Variants in SELE observed in about 807,000 individuals in gnomAD.
SELE encodes E-selectin.
A neutral mutation model predicts 75.8 loss-of-function variants in SELE; 52 were observed. That is an observed-to-expected ratio of 0.69 (90% CI 0.55 to 0.86). SELE has a LOEUF of 0.86. Among genes scored for constraint, SELE ranks in the 40% least tolerant of loss-of-function variants. SELE has a pLI of 0.00. For missense variants in SELE, 754 were observed against 732.7 expected (o/e 1.03, Z -0.34); for synonymous variants, 285 against 258.7 (o/e 1.10, Z -0.98).
chr1:169,733,878 A>G, intron 1 of SELE, 93 bp downstream of exon 1: 3 of 523,838 alleles, frequency 5.7e-6, no homozygotes, highest in Non-Finnish European at 1.0e-5. Flanking sequence ...CAATACAATA[A>G]GAGCTTGTAC....
At chr1:169,727,670 G>A (rs1011400742) in intron 9 of SELE, 69 bp downstream of exon 9, 1 of 1,554,938 alleles carries the variant, frequency 6.4e-7, no homozygotes. Flanking sequence ...CCCCTTTGGG[G>A]CAATCTAGGT....
Position 169,730,638 on chromosome 1 carries a change from A to G in SELE, c.530-21T>C, listed in dbSNP as rs3917420. ...CACAACTGAAAAAGAAACCCAAATC[A>G]GTTCTGCTCATCTCTCACCTTTAAC... On this transcript the variant is annotated intron_variant, in intron 4 of 13. Transcript: ENST00000333360. 2.5e-3 allele frequency: 3,807 copies of G among 1,540,522 alleles called. 82 individuals carry two copies. In the African/African-American group the frequency reaches 0.045, roughly 18 times the overall value.
intron 4 of SELE, among the ~76,000 whole-genome samples, chr1:169,731,071 C>T (rs1648899456): frequency 1.3e-5 from 2 of 152,176 alleles, no homozygotes; most frequent in Admixed American, 1.3e-4. Context: ...AACCCTAATG[C>T]TGCACTGTCT....
At chr1:169,733,341 C>T (rs766761729) in intron 2 of SELE, among the ~76,000 whole-genome samples, 7 of 151,838 alleles carry the variant, frequency 4.6e-5, no homozygotes, top group Admixed American at 6.6e-5. Context: ...CTATTGAATC[C>T]TCACAATGCA....
chr1:169,732,037 A>G, intron 3 of SELE, 95 bp from the exon 4 acceptor site: 3 of 766,164 alleles, frequency 3.9e-6, no homozygotes, highest in Non-Finnish European at 6.7e-6. Context: ...CAGAGACATC[A>G]GCAGTCCTAC....
At chr1:169,725,663 C>G in intron 13 of SELE, 66 bp downstream of exon 13, 8 of 1,379,202 alleles carry the variant, frequency 5.8e-6, no homozygotes, top group Non-Finnish European at 7.2e-6. Context: ...TTGGAGGGTT[C>G]AAGGAGAAAC....
At position 169,725,906 on chromosome 1, in the gene SELE, C is replaced by G. The variant is rs780362117; in HGVS notation, c.1775+1G>C. Reference sequence around the variant, plus strand: ...ATGCTTTGTATAAGAATGCAACTTACCTGGCAGGAACAAATTTCTTTGCTG... The same window carrying G: ...ATGCTTTGTATAAGAATGCAACTTAGCTGGCAGGAACAAATTTCTTTGCTG... On this transcript the variant is annotated splice_donor_variant, in intron 12 of 13. Transcript: ENST00000333360. LOFTEE classifies it high-confidence loss of function. The G allele has an allele frequency of 6.2e-7, 1 of 1,614,010 alleles. No homozygotes were observed. The highest frequency in any genetic ancestry group is 1.1e-5 in the South Asian group (1 of 91,074).
At chr1:169,727,296 C>G in intron 10 of SELE, 53 bp downstream of exon 10, 1 of 1,553,936 alleles carries the variant, frequency 6.4e-7, no homozygotes, top group Non-Finnish European at 8.7e-7. Context: ...AACAAGATAG[C>G]TCCCCCTTTT....
Position 169,732,779 on chromosome 1 carries a change from G to A in SELE, c.257C>T (p.Thr86Ile). 6.2e-7 allele frequency: 1 copy of A among 1,614,070 alleles called. No homozygotes were observed. The highest frequency in any genetic ancestry group is 8.5e-7 in the Non-Finnish European group (1 of 1,180,012). The change falls in exon 3 of 14, where the codon ACC becomes ATC. Residue 86 changes from threonine (T) to isoleucine (I), a missense_variant. Transcript: ENST00000333360. ...GGCTTCTTCTGTCAGAGGTTTCTGGGTTCCTACCCAGACCCACACATTGTT... is the reference window on the plus strand; with the variant it reads ...GGCTTCTTCTGTCAGAGGTTTCTGGATTCCTACCCAGACCCACACATTGTT... The part of the protein sequence containing the change: ...KVNNVWVWVG[T>I]QKPLTEEAKN...
intron 11 of SELE, among the ~76,000 whole-genome samples, chr1:169,726,396 T>C (rs1225863137): frequency 6.6e-6 from 1 of 152,184 alleles, no homozygotes; most frequent in Non-Finnish European, 1.5e-5. Flanking sequence ...TTTTATCCAT[T>C]TTCCTTAGAG....
Position 169,726,845 on chromosome 1 carries a change from A to T in SELE, c.1646-39T>A, listed in dbSNP as rs199768729. On this transcript the variant is annotated intron_variant, in intron 10 of 13. Coordinates refer to ENST00000333360, the MANE Select transcript of SELE (RefSeq NM_000450.2). ...AGACGAAGAAAGGTCATGAGGAAGA[A>T]TTGATGTTAAAGTCTCTCCGTCCTG... 2.9e-3 allele frequency: 4,206 copies of T among 1,434,788 alleles called. 7 individuals carry two copies. The highest frequency in any genetic ancestry group is 3.5e-3 in the Non-Finnish European group (3,590 of 1,023,656). 88.9% of individuals were successfully genotyped at this position (1,434,788 alleles called of 1,614,324 possible).
intron 10 of SELE, 31 bp from the exon 11 acceptor site, chr1:169,726,837 G>A (rs1288026379): frequency 6.7e-7 from 1 of 1,496,648 alleles, no homozygotes; most frequent in East Asian, 2.3e-5. Flanking sequence ...GAAAGGTCAT[G>A]AGGAAGAATT....
chr1:169,727,135 T>C (rs1648792479), intron 10 of SELE, among the ~76,000 whole-genome samples: 2 of 152,164 alleles, frequency 1.3e-5, no homozygotes. Context: ...TCCTCTCCTC[T>C]CTCTGTCTCC....
In SELE at chr1:169,729,199, G is replaced by C; in HGVS notation, c.1077C>G (p.Ile359Met). Residue 359 changes from isoleucine (I) to methionine (M), a missense_variant, in exon 7 of 14, where the codon ATC becomes ATG. Ile to Met is a conservative substitution (Grantham distance 10, BLOSUM62 1). Coordinates refer to ENST00000333360, the MANE Select transcript of SELE (RefSeq NM_000450.2). Reference protein sequence around the residue: ...CTTQGQWTQQIPVCEAFQCTA... With the variant: ...CTTQGQWTQQMPVCEAFQCTA... ...TCTCAAGCTTACCTTCACAAACTGG[G>C]ATTTGCTGTGTCCACTGCCCTTGAG... 1 of 1,608,130 alleles carries C rather than the reference G, an allele frequency of 6.2e-7. No individual in the cohort carries two copies. The highest frequency in any genetic ancestry group is 8.5e-7 in the Non-Finnish European group (1 of 1,176,474).
chr1:169,729,515 A>G lies in SELE; in HGVS notation c.874T>C (p.Trp292Arg). The change falls in exon 6 of 14, where the codon TGG (tryptophan) becomes CGG (arginine). Residue 292 changes from tryptophan (W) to arginine (R), a missense_variant. Coordinates refer to ENST00000333360, the MANE Select transcript of SELE (RefSeq NM_000450.2). ...QSLQCTSSGNWDNEKPTCKAV... is the reference protein window; with the variant it reads ...QSLQCTSSGNRDNEKPTCKAV... ...TTACACGTTGGCTTCTCGTTGTCCCAATTCCCAGATGAGGTACACTGAAGG... is the reference window on the plus strand; with the variant it reads ...TTACACGTTGGCTTCTCGTTGTCCCGATTCCCAGATGAGGTACACTGAAGG... 6.2e-7 allele frequency: 1 copy of G among 1,614,158 alleles called. No individual in the cohort carries two copies. Among genetic ancestry groups the G allele is most frequent in the South Asian group, 1.1e-5 (1 of 91,078 alleles).
At position 169,727,421 on chromosome 1, in the gene SELE, T is replaced by A. The variant is rs1558013427; in HGVS notation, c.1573A>T (p.Thr525Ser). The A allele has an allele frequency of 6.2e-7, 1 of 1,614,140 alleles. No individual in the cohort carries two copies. The highest frequency in any genetic ancestry group is 8.5e-7 in the Non-Finnish European group (1 of 1,180,012). The change falls in exon 10 of 14, where the codon ACG (threonine) becomes TCG (serine). Residue 525 changes from threonine (T) to serine (S), a missense_variant. Transcript: ENST00000333360. ...GTCCGAGCTGCAGAGCCATTGAGCG[T>A]CCATCCTTCAGGACAGGCGAACTTG... Reference protein sequence around the residue: ...VCKFACPEGWTLNGSAARTCG... With the variant: ...VCKFACPEGWSLNGSAARTCG...
chr1:169,726,791 T>C lies in SELE; in HGVS notation c.1661A>G (p.Asn554Ser). The C allele has an allele frequency of 6.2e-7, 1 of 1,612,622 alleles. No individual in the cohort carries two copies. The highest frequency in any genetic ancestry group is 1.1e-5 in the South Asian group (1 of 90,828). ...AGAAAGTCCAGCTACCAAGGGAATGTTGGACTCAGTGGGAGCTAAGGAAGT... is the reference window on the plus strand; with the variant it reads ...AGAAAGTCCAGCTACCAAGGGAATGCTGGACTCAGTGGGAGCTAAGGAAGT... The part of the protein sequence containing the change: ...LPTCEAPTES[N>S]IPLVAGLSAA... Residue 554 changes from asparagine to serine, a missense_variant, in exon 11 of 14, where the codon AAC becomes AGC. Transcript: ENST00000333360.
At chr1:169,733,758 G>A (rs3917400) in intron 1 of SELE, 98 bp from the exon 2 acceptor site, 62,465 of 755,642 alleles carry the variant, frequency 0.083, 2,994 homozygotes, top group Middle Eastern at 0.11. Context: ...CTAAGATTTT[G>A]GGCAAAGGAC....
At chr1:169,727,639 A>G in intron 9 of SELE, 100 bp downstream of exon 9, 1 of 1,533,590 alleles carries the variant, frequency 6.5e-7, no homozygotes, top group Non-Finnish European at 8.8e-7. Flanking sequence ...AGTTTTCAGC[A>G]TGTAGGAAAT....
Sources: allele counts gnomAD v4.1 joint callset (sites outside exome capture counted in the v4.1 genomes callset), GRCh38; gene constraint gnomAD v4.1.1; transcripts MANE v1.5; gene names NCBI Gene and HGNC (gene_info 2026-07-23, HGNC 2026-07-21).